PLCG2: variants seen among roughly 807,000 people sequenced by gnomAD.
PLCG2 encodes the protein 1-phosphatidylinositol 4,5-bisphosphate phosphodiesterase gamma-2.
PLCG2 carries 69 observed loss-of-function variants against 175.6 expected under a neutral mutation model. That is an observed-to-expected ratio of 0.39 (90% CI 0.32 to 0.48). The LOEUF (loss-of-function observed/expected upper bound fraction) is 0.48. Ranked by LOEUF, PLCG2 falls within the 20% of genes least tolerant of loss-of-function variation. PLCG2 has a pLI of 0.91. For synonymous variants in PLCG2, 827 were observed against 624.0 expected (o/e 1.33, Z -4.85); for missense variants, 1,798 against 1,650.9 (o/e 1.09, Z -1.54).
At chr16:81,875,179 G>C (rs761542691) in intron 7 of PLCG2, among the ~76,000 whole-genome samples, 1 of 151,962 alleles carries the variant, frequency 6.6e-6, no homozygotes, top group Non-Finnish European at 1.5e-5. Context: ...GGCCAGGCTA[G>C]TCTCGAACTC....
At chr16:81,929,030 A>G (rs753623715) in intron 24 of PLCG2, among the ~76,000 whole-genome samples, 4 of 152,318 alleles carry the variant, frequency 2.6e-5, no homozygotes, top group South Asian at 4.1e-4. Flanking sequence ...CTGTGAGACT[A>G]CAGGCCTGTC....
chr16:81,848,032 CAT>C (rs1236200132), intron 2 of PLCG2, among the ~76,000 whole-genome samples: 2 of 152,152 alleles, frequency 1.3e-5, no homozygotes, highest in Non-Finnish European at 1.5e-5. Context: ...AGGTGGAAGA[CAT>C]AGACTAGCAA....
intron 3 of PLCG2, among the ~76,000 whole-genome samples, chr16:81,855,820 T>A (rs1377080626): frequency 1.3e-5 from 2 of 152,002 alleles, no homozygotes; most frequent in African/African-American, 4.8e-5. Flanking sequence ...TGCCAGGGCT[T>A]GGAGGAGGGA....
chr16:81,907,107 A>G (rs11646976), intron 15 of PLCG2, among the ~76,000 whole-genome samples: 138,221 of 149,292 alleles, frequency 0.93, 64,065 homozygotes, highest in East Asian at 0.97. Context: ...AAACCTGCAC[A>G]GTGTACACAT....
At chr16:81,776,677 C>T (rs1389283630), upstream of PLCG2, among the ~76,000 whole-genome samples, 5 of 152,290 alleles carry the variant, frequency 3.3e-5, no homozygotes, top group Non-Finnish European at 4.4e-5. Context: ...ACCTCAGACT[C>T]GTGAGTAGCT....
At chr16:81,775,237 C>T (rs1910373571), upstream of PLCG2, among the ~76,000 whole-genome samples, 1 of 152,174 alleles carries the variant, frequency 6.6e-6, no homozygotes, top group Non-Finnish European at 1.5e-5. Flanking sequence ...TTCCGATAGG[C>T]CCGCTCTCTG....
chr16:81,816,891 A>C (rs1289296303), intron 2 of PLCG2, among the ~76,000 whole-genome samples: 3 of 152,062 alleles, frequency 2.0e-5, no homozygotes, highest in Non-Finnish European at 4.4e-5. Flanking sequence ...GAAAACACTC[A>C]GGCACCTGGG....
At chr16:81,830,378 C>A (rs1905211120) in intron 2 of PLCG2, among the ~76,000 whole-genome samples, 2 of 152,140 alleles carry the variant, frequency 1.3e-5, no homozygotes, top group Admixed American at 1.3e-4. Context: ...CTACTTTTGG[C>A]TCACTGCAAC....
chr16:81,751,166 A>C (rs1318400032), intron 1 of PLCG2, among the ~76,000 whole-genome samples: 1 of 151,226 alleles, frequency 6.6e-6, no homozygotes, highest in African/African-American at 2.4e-5. Context: ...TGTTTAGTAG[A>C]GATGGGGTTT....
chr16:81,871,434 G>T (rs1218996467), intron 7 of PLCG2, among the ~76,000 whole-genome samples: 1 of 152,174 alleles, frequency 6.6e-6, no homozygotes, highest in Admixed American at 6.5e-5. Flanking sequence ...TGCCTCCCGG[G>T]TTCAAGCGAT....
chr16:81,953,202 C>T lies in PLCG2; in HGVS notation c.3571-3493C>T, dbSNP rs118095029. The stretch of plus-strand genomic sequence containing the variant: ...GTAGGAGACTAAGGCAGCACAATGA[C>T]TAAAGGTTCTGTGGGATCCCGGATT... On this transcript the variant is annotated intron_variant, in intron 31 of 32. Coordinates refer to ENST00000564138, the MANE Select transcript of PLCG2 (RefSeq NM_002661.5). Among the ~76,000 whole-genome samples, 308 of 152,304 alleles carry T rather than the reference C, an allele frequency of 2.0e-3. 2 individuals carry two copies. Among genetic ancestry groups the T allele is most frequent in the Non-Finnish European group, 3.0e-3 (204 of 68,024 alleles).
chr16:81,956,483 C>T (rs1911573783), intron 31 of PLCG2, among the ~76,000 whole-genome samples: 1 of 152,134 alleles, frequency 6.6e-6, no homozygotes, highest in African/African-American at 2.4e-5. Context: ...GTGTAAAGAC[C>T]AAGCACTTTT....
intron 2 of PLCG2, among the ~76,000 whole-genome samples, chr16:81,853,916 A>G (rs1289222408): frequency 1.3e-5 from 2 of 151,918 alleles, no homozygotes; most frequent in Admixed American, 6.6e-5. Flanking sequence ...TTGGCCTCTT[A>G]TTATTATTTT....
intron 7 of PLCG2, 38 bp from the exon 8 acceptor site, chr16:81,880,872 T>G: frequency 6.2e-7 from 1 of 1,608,800 alleles, no homozygotes; most frequent in South Asian, 1.1e-5. Flanking sequence ...AAGTGACTTG[T>G]CTAAGGTTCT....
rs1367322376 is a variant in PLCG2 at position 81,931,506 on chromosome 16, C to G, written c.2591C>G (p.Pro864Arg). 1 of 1,614,002 alleles carries G rather than the reference C, an allele frequency of 6.2e-7. No individual in the cohort carries two copies. The highest frequency in any genetic ancestry group is 1.7e-5 in the Admixed American group (1 of 60,012). Residue 864 changes from proline (P) to arginine (R), a missense_variant, in exon 25 of 33, where the codon CCT becomes CGT. Transcript: ENST00000564138. The part of the protein sequence containing the change: ...DLNTYNVVKA[P>R]QGKNQKSFVF... The stretch of plus-strand genomic sequence containing the variant: ...ATTCTCTTACCCCAAGTGAAAGCCC[C>G]TCAGGGAAAAAACCAGAAGTCCTTT...
rs201318091 is a variant in PLCG2, at chr16:81,956,781, A to T, written c.3657A>T (p.Thr1219=). The T allele has an allele frequency of 2.4e-5, 38 of 1,614,066 alleles. No individual in the cohort carries two copies. Among genetic ancestry groups the T allele is most frequent in the Non-Finnish European group, 3.0e-5 (35 of 1,180,024 alleles). Residue 1219 remains threonine (T), a synonymous_variant, in exon 32 of 33, where the codon ACA becomes ACT. Transcript: ENST00000564138. ...ELNNQLFLYD[T]HQNLRNANRD... ...ACAACCAGCTCTTTCTGTATGACACACACCAGAACTTGCGCAATGCCAACC... is the reference window on the plus strand; with the variant it reads ...ACAACCAGCTCTTTCTGTATGACACTCACCAGAACTTGCGCAATGCCAACC...
intron 2 of PLCG2, among the ~76,000 whole-genome samples, chr16:81,846,801 C>A (rs1489362633): frequency 6.6e-6 from 1 of 152,194 alleles, no homozygotes; most frequent in Non-Finnish European, 1.5e-5. Context: ...CGAAACACTT[C>A]ACCTCAGAGA....
intron 6 of PLCG2, 76 bp downstream of exon 6, chr16:81,869,374 C>T (rs1447645917): frequency 9.7e-7 from 1 of 1,032,400 alleles, no homozygotes; most frequent in South Asian, 1.3e-5. Flanking sequence ...CGTGGCTTGC[C>T]TTTGAGTTCC....
chr16:81,821,871 GT>G (rs553131341), intron 2 of PLCG2, among the ~76,000 whole-genome samples: 55 of 146,198 alleles, frequency 3.8e-4, no homozygotes, highest in South Asian at 4.3e-4. Context: ...GATCCAAGAT[GT>G]TTTTTTTTTT....
Sources: allele counts gnomAD v4.1 joint callset (sites outside exome capture counted in the v4.1 genomes callset), GRCh38; gene constraint gnomAD v4.1.1; transcripts MANE v1.5; gene names NCBI Gene and HGNC (gene_info 2026-07-23, HGNC 2026-07-21).